The following PGS1 variants were observed in gnomAD, a reference collection of about 807,000 sequenced individuals.
PGS1 encodes CDP-diacylglycerol--glycerol-3-phosphate 3-phosphatidyltransferase, mitochondrial.
A neutral mutation model predicts 58.3 loss-of-function variants in PGS1; 44 were observed. The observed-to-expected ratio is 0.75, with a 90% CI of 0.59 to 0.97. PGS1 has a LOEUF of 0.97. Among genes scored for constraint, PGS1 ranks in the 50% least tolerant of loss-of-function variants. The pLI is 0.00. For missense variants in PGS1, 684 were observed against 731.1 expected (o/e 0.94, Z 0.74); for synonymous variants, 330 against 311.0 (o/e 1.06, Z -0.64).
intron 1 of PGS1, among the ~76,000 whole-genome samples, chr17:78,388,705 C>A (rs1012507356): frequency 6.6e-6 from 1 of 152,034 alleles, no homozygotes. Flanking sequence ...CCTCTGAGTT[C>A]CTTGTTTGAA....
chr17:78,423,808 C>A, intron 9 of PGS1: 1 of 1,467,718 alleles, frequency 6.8e-7, no homozygotes, highest in Non-Finnish European at 9.3e-7. Flanking sequence ...AACGAAAAAC[C>A]ACCACCAGTT....
chr17:78,379,102 GCCACCGTGCAC>G (rs2146019836), intron 1 of PGS1, among the ~76,000 whole-genome samples: 1 of 152,350 alleles, frequency 6.6e-6, no homozygotes, highest in South Asian at 2.1e-4. Flanking sequence ...GCGAGCCCCG[GCCACCGTGCAC>G]TTACACGTTA....
intron 9 of PGS1, among the ~76,000 whole-genome samples, chr17:78,422,318 T>TTTTTC (rs1395339176): frequency 6.6e-6 from 1 of 152,018 alleles, no homozygotes; most frequent in Non-Finnish European, 1.5e-5. Flanking sequence ...GAGGGGAGGA[T>TTTTTC]TTTTCTTTTC....
intron 8 of PGS1, among the ~76,000 whole-genome samples, chr17:78,417,774 A>C (rs2085323751): frequency 6.6e-6 from 1 of 151,606 alleles, no homozygotes; most frequent in South Asian, 2.1e-4. Context: ...CTGGAGACTC[A>C]GTGGAGGAGA....
At chr17:78,384,988 C>T (rs755760235) in intron 1 of PGS1, among the ~76,000 whole-genome samples, 24 of 152,254 alleles carry the variant, frequency 1.6e-4, no homozygotes, top group Non-Finnish European at 2.5e-4. Context: ...GCGCTGTTGA[C>T]ACGCGCTGAG....
intron 5 of PGS1, 28 bp downstream of exon 5, chr17:78,399,565 T>A: frequency 1.2e-6 from 2 of 1,610,504 alleles, no homozygotes; most frequent in Non-Finnish European, 1.7e-6. Flanking sequence ...TCAGTGCTTT[T>A]GCCCTCCTGC....
intron 1 of PGS1, 22 bp downstream of exon 1, chr17:78,378,830 A>G: frequency 7.1e-7 from 1 of 1,416,252 alleles, no homozygotes; most frequent in South Asian, 1.5e-5. Flanking sequence ...GGCCGGGATG[A>G]GAGTGCAGCC....
chr17:78,398,202 C>T (rs745516443), intron 3 of PGS1, 50 bp from the exon 4 acceptor site: 5 of 1,321,414 alleles, frequency 3.8e-6, no homozygotes, highest in South Asian at 1.2e-5. Context: ...TCTTTAAATA[C>T]ACACACCTCT....
chr17:78,422,771 G>A (rs2085991035), intron 9 of PGS1, among the ~76,000 whole-genome samples: 1 of 152,162 alleles, frequency 6.6e-6, no homozygotes, highest in South Asian at 2.1e-4. Context: ...GGCGTGAGCT[G>A]CTGCAGCGGC....
chr17:78,397,887 T>A (rs1452326676), intron 3 of PGS1, among the ~76,000 whole-genome samples: 2 of 152,208 alleles, frequency 1.3e-5, no homozygotes, highest in Non-Finnish European at 2.9e-5. Flanking sequence ...TACTAAGCAC[T>A]CTTTACGAGG....
At chr17:78,387,598 C>CT (rs34252361) in intron 1 of PGS1, among the ~76,000 whole-genome samples, 30,781 of 104,194 alleles carry the variant, frequency 0.3, 5,426 homozygotes, top group Non-Finnish European at 0.4. Flanking sequence ...CGCGCCCAGC[C>CT]TTTTTTTTTT....
chr17:78,406,674 G>T (rs925528281), intron 7 of PGS1, among the ~76,000 whole-genome samples: 3 of 152,242 alleles, frequency 2.0e-5, no homozygotes, highest in Non-Finnish European at 4.4e-5. Context: ...AGTATTTTTG[G>T]ATTGGCGTTA....
chr17:78,413,462 A>G (rs2084901315), intron 7 of PGS1, among the ~76,000 whole-genome samples: 1 of 151,938 alleles, frequency 6.6e-6, no homozygotes, highest in African/African-American at 2.4e-5. Context: ...GCTTGCCCTC[A>G]CTCACAGCTG....
intron 9 of PGS1, 102 bp from the exon 10 acceptor site, chr17:78,423,959 C>CT (rs764815092): frequency 1.2e-6 from 2 of 1,613,876 alleles, no homozygotes; most frequent in Non-Finnish European, 1.7e-6. Flanking sequence ...GCTGCCTTCT[C>CT]TTTGGTCTTC....
intron 9 of PGS1, chr17:78,423,740 CA>C: frequency 1.1e-6 from 1 of 902,506 alleles, no homozygotes; most frequent in South Asian, 1.6e-5. Flanking sequence ...TCTTCCACAC[CA>C]ACCTCCACCC....
At chr17:78,387,589 G>A (rs1357978185) in intron 1 of PGS1, among the ~76,000 whole-genome samples, 4 of 142,792 alleles carry the variant, frequency 2.8e-5, no homozygotes, top group Admixed American at 7.6e-5. Context: ...GTGAGCCATC[G>A]CGCCCAGCCT....
intron 1 of PGS1, among the ~76,000 whole-genome samples, chr17:78,383,597 A>C (rs1390147515): frequency 6.6e-6 from 1 of 152,212 alleles, no homozygotes; most frequent in Non-Finnish European, 1.5e-5. Context: ...AGGGACCACC[A>C]GATTTCCAGA....
chr17:78,378,941 T>G (rs935707017), intron 1 of PGS1, 133 bp downstream of exon 1: 40 of 1,008,702 alleles, frequency 4.0e-5, no homozygotes, highest in Admixed American at 1.3e-4. Context: ...CATTTCTGCC[T>G]CCCGGGGCTC....
intron 7 of PGS1, 151 bp downstream of exon 7, chr17:78,404,240 A>T (rs9900494): frequency 1.3e-6 from 1 of 764,124 alleles, no homozygotes; most frequent in East Asian, 2.8e-5. Context: ...TAGCTGTCCC[A>T]TGACTTGGGG....
Sources: allele counts gnomAD v4.1 joint callset (sites outside exome capture counted in the v4.1 genomes callset), GRCh38; gene constraint gnomAD v4.1.1; transcripts MANE v1.5; gene names NCBI Gene and HGNC (gene_info 2026-07-23, HGNC 2026-07-21).